The following PAX9 variants were observed in gnomAD, a reference collection of about 807,000 sequenced individuals.
PAX9 encodes paired box protein Pax-9.
In PAX9, 6 loss-of-function variants were observed where a neutral mutation model predicts 29.1. That is an observed-to-expected ratio of 0.21 (90% CI 0.11 to 0.41). The LOEUF (loss-of-function observed/expected upper bound fraction) is 0.41, where lower values mean the gene tolerates loss of function less well. Among genes scored for constraint, PAX9 ranks in the 10% least tolerant of loss-of-function variants. The pLI, the probability that PAX9 is intolerant of heterozygous loss-of-function variation, is 1.00. For missense variants in PAX9, 443 were observed against 479.1 expected (o/e 0.92, Z 0.70); for synonymous variants, 217 against 211.7 (o/e 1.03, Z -0.22).
chr14:36,665,743 C>T (rs1274938901), intron 2 of PAX9, among the ~76,000 whole-genome samples: 1 of 152,036 alleles, frequency 6.6e-6, no homozygotes, highest in African/African-American at 2.4e-5. Flanking sequence ...AAAACCCTGC[C>T]ACTAACACCC....
intron 3 of PAX9, among the ~76,000 whole-genome samples, chr14:36,668,481 C>T (rs943984978): frequency 3.9e-5 from 6 of 152,288 alleles, no homozygotes; most frequent in South Asian, 2.1e-4. Flanking sequence ...CTCTGCCTCC[C>T]GGGTTCAAGC....
Position 36,678,497 on chromosome 14 carries a change from T to G in PAX9, c.*2045T>G, listed in dbSNP as rs1002509340. 4.6e-6 allele frequency: 7 copies of G among 1,536,932 alleles called. No homozygotes were observed. The highest frequency in any genetic ancestry group is 6.1e-6 in the Non-Finnish European group (7 of 1,146,724). ...TGGAGTTCCCAGTCTGGTGAGAAAA[T>G]AGACTATAAACTGAATGGAACAAAG... On this transcript the variant is annotated 3_prime_UTR_variant, in exon 4 of 4. Transcript: ENST00000361487.
chr14:36,679,258 G>T lies in PAX9; in HGVS notation c.*2806G>T. ...CTGAAATATAAATTTTAAAAAACAC[G>T]TTGGAAAGGATGTACAACAGAAGGC... On this transcript the variant is annotated 3_prime_UTR_variant, in exon 4 of 4. Coordinates refer to ENST00000361487, the MANE Select transcript of PAX9 (RefSeq NM_001372076.1). 2.0e-6 allele frequency: 2 copies of T among 983,294 alleles called. No homozygotes were observed. The highest frequency in any genetic ancestry group is 2.4e-6 in the Non-Finnish European group (2 of 828,092). 60.9% of individuals were successfully genotyped at this position (983,294 alleles called of 1,614,324 possible).
chr14:36,667,666 T>A (rs181782948), intron 3 of PAX9, among the ~76,000 whole-genome samples: 1 of 152,350 alleles, frequency 6.6e-6, no homozygotes, highest in Non-Finnish European at 1.5e-5. Context: ...CTGTAACAAA[T>A]CCCATTTCCA....
At chr14:36,672,852 C>T (rs1204957905) in intron 3 of PAX9, among the ~76,000 whole-genome samples, 14 of 19,144 alleles carry the variant, frequency 7.3e-4, no homozygotes, top group Non-Finnish European at 9.6e-4. Flanking sequence ...TTCTTTCTTC[C>T]TTTTTTTTTT....
At chr14:36,674,138 A>G (rs1056903368) in intron 3 of PAX9, among the ~76,000 whole-genome samples, 3 of 152,202 alleles carry the variant, frequency 2.0e-5, no homozygotes, top group African/African-American at 7.2e-5. Context: ...CTTGATACCC[A>G]TCTCCTGAGA....
Position 36,663,519 on chromosome 14 carries a change from C to A in PAX9, c.627C>A (p.Asp209Glu), listed in dbSNP as rs1257119692. The change falls in exon 2 of 4, where the codon GAC becomes GAA. Residue 209 changes from aspartate (D) to glutamate (E), a missense_variant. Asp to Glu is a conservative substitution (Grantham distance 45, BLOSUM62 2). This residue lies in a region of PAX9 where 336 missense variants were observed against 317.2 expected (regional missense o/e 1.06). Transcript: ENST00000361487. ...TCCTGGGCATCCGCTCCATCACCGA[C>A]CAAGGTAGGGGCTCAGAGGCTGGGC... ...TDILGIRSIT[D>E]QVSDSSPYHS... 2 of 1,612,724 alleles carry A rather than the reference C, an allele frequency of 1.2e-6. No homozygotes were observed. Among genetic ancestry groups the A allele is most frequent in the Non-Finnish European group, 1.7e-6 (2 of 1,179,920 alleles).
intron 3 of PAX9, among the ~76,000 whole-genome samples, chr14:36,673,830 A>G (rs1881784997): frequency 6.6e-6 from 1 of 152,200 alleles, no homozygotes; most frequent in Non-Finnish European, 1.5e-5. Context: ...TTATGTCCCT[A>G]TATGATGTTG....
At chr14:36,661,811 T>G, upstream of PAX9, 3 of 533,696 alleles carry the variant, frequency 5.6e-6, no homozygotes, top group East Asian at 3.4e-5. Flanking sequence ...CCCGCCCCTT[T>G]TAGGGCGTGT....
At chr14:36,669,332 T>A (rs921706333) in intron 3 of PAX9, among the ~76,000 whole-genome samples, 2 of 152,182 alleles carry the variant, frequency 1.3e-5, no homozygotes, top group Non-Finnish European at 2.9e-5. Context: ...TTTTAAAAGT[T>A]ATTTTTCAAA....
chr14:36,660,973 T>C (rs1050726963), upstream of PAX9, among the ~76,000 whole-genome samples: 1 of 152,250 alleles, frequency 6.6e-6, no homozygotes, highest in African/African-American at 2.4e-5. Context: ...ACTAAGTCTC[T>C]TTCATATTTA....
chr14:36,670,806 G>T (rs906904624), intron 3 of PAX9, among the ~76,000 whole-genome samples: 5 of 151,926 alleles, frequency 3.3e-5, no homozygotes, highest in Non-Finnish European at 7.4e-5. Flanking sequence ...TAATATTTTG[G>T]AAAATTATAA....
rs1881287033 is a variant in PAX9 at position 36,661,995 on chromosome 14, G to A, written c.-95G>A. On this transcript the variant is annotated 5_prime_UTR_variant, in exon 1 of 4. Coordinates refer to ENST00000361487, the MANE Select transcript of PAX9 (RefSeq NM_001372076.1). ...GAAGAAGCGGAGGCGCCGGCGGTCG[G>A]CCGGGATAGCAACAGGCCGGGCCAC... 1 of 1,512,532 alleles carries A rather than the reference G, an allele frequency of 6.6e-7. No individual in the cohort carries two copies. Among genetic ancestry groups the A allele is most frequent in the Admixed American group, 2.0e-5 (1 of 51,000 alleles). 93.7% of individuals were successfully genotyped at this position (1,512,532 alleles called of 1,614,324 possible).
upstream of PAX9, among the ~76,000 whole-genome samples, chr14:36,659,286 C>T (rs940524805): frequency 4.6e-5 from 7 of 152,192 alleles, no homozygotes; most frequent in South Asian, 2.1e-4. Context: ...CGGGACTGAC[C>T]AGACCTTAGT....
Position 36,661,977 on chromosome 14 carries a change from C to A in PAX9, c.-113C>A. On this transcript the variant is annotated 5_prime_UTR_variant, in exon 1 of 4. Coordinates refer to ENST00000361487, the MANE Select transcript of PAX9 (RefSeq NM_001372076.1). The stretch of plus-strand genomic sequence containing the variant: ...CTCGCCTCCTCCTCCTGGGAAGAAG[C>A]GGAGGCGCCGGCGGTCGGCCGGGAT... The A allele has an allele frequency of 7.4e-7, 1 of 1,343,292 alleles. No individual in the cohort carries two copies. Among genetic ancestry groups the A allele is most frequent in the Non-Finnish European group, 1.0e-6 (1 of 958,648 alleles). The allele number at this position is 1,343,292 out of a possible 1,614,324, so 83.2% of individuals were successfully genotyped here. A position where few individuals can be genotyped will look rare whatever the true frequency, so the allele number is the denominator to read the frequency against.
In PAX9 at chr14:36,662,027, G is replaced by A; in HGVS notation, c.-63G>A. 10 of 1,553,332 alleles carry A rather than the reference G, an allele frequency of 6.4e-6. No individual in the cohort carries two copies. The highest frequency in any genetic ancestry group is 8.7e-6 in the Non-Finnish European group (10 of 1,148,814). On this transcript the variant is annotated 5_prime_UTR_variant, in exon 1 of 4. Transcript: ENST00000361487. The stretch of plus-strand genomic sequence containing the variant: ...TAGCAACAGGCCGGGCCACTGAGGC[G>A]GTGCGGAAAGTTTCTGTCTGGGAGT...
upstream of PAX9, among the ~76,000 whole-genome samples, chr14:36,658,306 GCTGT>G (rs2139101450): frequency 6.6e-6 from 1 of 151,446 alleles, no homozygotes; most frequent in Non-Finnish European, 1.5e-5. Context: ...TCGGACTCTG[GCTGT>G]CTTACAATCC....
chr14:36,662,975 G>T lies in PAX9; in HGVS notation c.83G>T (p.Arg28Leu), dbSNP rs28933971. 1 of 1,613,554 alleles carries T rather than the reference G, an allele frequency of 6.2e-7. No homozygotes were observed. The highest frequency in any genetic ancestry group is 8.5e-7 in the Non-Finnish European group (1 of 1,179,998). Residue 28 changes from arginine to leucine, a missense_variant, in exon 2 of 4, where the codon CGC becomes CTC. Physicochemically the swap from Arg to Leu is moderately radical, Grantham distance 102. Around this residue, in one of 2 missense-constraint regions of PAX9, gnomAD observed 107 missense variants for 161.9 expected, o/e 0.66. Coordinates refer to ENST00000361487, the MANE Select transcript of PAX9 (RefSeq NM_001372076.1). ...GRPLPNAIRLRIVELAQLGIR... is the reference protein window; with the variant it reads ...GRPLPNAIRLLIVELAQLGIR... The stretch of plus-strand genomic sequence containing the variant: ...CCGCTGCCCAACGCCATCCGGCTTC[G>T]CATCGTGGAACTGGCCCAACTGGGC...
chr14:36,659,027 T>A (rs1881152782), upstream of PAX9, among the ~76,000 whole-genome samples: 1 of 152,176 alleles, frequency 6.6e-6, no homozygotes, highest in South Asian at 2.1e-4. Context: ...GAGTAAATAT[T>A]TATCCAGAGA....
Sources: gnomAD v4.1 joint callset for allele counts (sites outside exome capture counted in the v4.1 genomes callset) on GRCh38, gnomAD v4.1.1 for gene constraint, gnomAD v4.1.1 regional missense constraint, MANE v1.5 for transcripts, NCBI Gene and HGNC (gene_info 2026-07-23, HGNC 2026-07-21) for gene names.